Variants in ATP13A4 observed in about 807,000 individuals in gnomAD.
The protein encoded by ATP13A4 is ATPase 13A4, also known as probable cation-transporting ATPase 13A4.
In ATP13A4, 114 loss-of-function variants were observed where a neutral mutation model predicts 142.5. That is an observed-to-expected ratio of 0.80 (90% CI 0.69 to 0.93). ATP13A4 has a LOEUF of 0.93. Among genes scored for constraint, ATP13A4 ranks in the 40% least tolerant of loss-of-function variants. ATP13A4 has a pLI of 0.00. For synonymous variants in ATP13A4, 488 were observed against 514.8 expected, an observed-to-expected ratio of 0.95 and a Z score of 0.70; for missense variants, 1,392 against 1,454.0, an observed-to-expected ratio of 0.96 and a Z score of 0.69.
chr3:193,526,413 A>G (rs191521284), intron 1 of ATP13A4, among the ~76,000 whole-genome samples: 3 of 152,276 alleles, frequency 2.0e-5, no homozygotes, highest in Admixed American at 2.0e-4. Flanking sequence ...ACACATGCAC[A>G]CAGGGAGGGG....
intron 1 of ATP13A4, among the ~76,000 whole-genome samples, chr3:193,549,302 C>CAA (rs199972539): frequency 2.2e-5 from 3 of 138,210 alleles, no homozygotes; most frequent in Non-Finnish European, 4.7e-5. Context: ...TTCATCACAG[C>CAA]AAAAAAAAAA....
At chr3:193,507,712 T>C (rs921951436) in intron 2 of ATP13A4, among the ~76,000 whole-genome samples, 1 of 152,168 alleles carries the variant, frequency 6.6e-6, no homozygotes, top group Non-Finnish European at 1.5e-5. Flanking sequence ...GATTAGCGGG[T>C]CATCGTCTGA....
intron 1 of ATP13A4, among the ~76,000 whole-genome samples, chr3:193,537,798 A>G (rs1259190166): frequency 6.6e-6 from 1 of 152,188 alleles, no homozygotes; most frequent in African/African-American, 2.4e-5. Flanking sequence ...GATACACAAA[A>G]CAACCTGGGT....
intron 2 of ATP13A4, among the ~76,000 whole-genome samples, chr3:193,505,607 T>G (rs1302127050): frequency 1.3e-5 from 2 of 152,130 alleles, no homozygotes; most frequent in Non-Finnish European, 2.9e-5. Flanking sequence ...CATACATAAT[T>G]CTGTATGATA....
intron 25 of ATP13A4, among the ~76,000 whole-genome samples, chr3:193,418,078 C>G (rs555763579): frequency 2.8e-5 from 3 of 107,926 alleles, no homozygotes; most frequent in Non-Finnish European, 5.2e-5. Flanking sequence ...GCCGAGATCC[C>G]GCCACTGCAC....
rs1040016687 is a variant in ATP13A4 at position 193,403,968 on chromosome 3, A to T, written c.3379-1104T>A. The T allele has an allele frequency of 1.6e-5, 16 of 985,328 alleles. No homozygotes were observed. The East Asian group carries it at 3.4e-4, about 21-fold the overall frequency. 61.0% of individuals were successfully genotyped at this position (985,328 alleles called of 1,614,324 possible). On this transcript the variant is annotated intron_variant, in intron 29 of 29. Coordinates refer to ENST00000342695, the MANE Select transcript of ATP13A4 (RefSeq NM_032279.4). ...TACCCATTTTTGCCATTTAGGTTCC[A>T]CTGCCCATGAAAGGATAGAGAACAG...
intron 17 of ATP13A4, among the ~76,000 whole-genome samples, chr3:193,451,959 G>C (rs1213264515): frequency 6.6e-6 from 1 of 152,142 alleles, no homozygotes; most frequent in Non-Finnish European, 1.5e-5. Flanking sequence ...GAGAATTTGT[G>C]ATTTGTGTTT....
chr3:193,491,125 C>G (rs1719919251), intron 6 of ATP13A4, among the ~76,000 whole-genome samples: 1 of 152,132 alleles, frequency 6.6e-6, no homozygotes, highest in African/African-American at 2.4e-5. Flanking sequence ...GAGTTTCACA[C>G]CCTATATTGC....
At chr3:193,529,711 C>G (rs935728911) in intron 1 of ATP13A4, among the ~76,000 whole-genome samples, 7 of 152,122 alleles carry the variant, frequency 4.6e-5, no homozygotes, top group African/African-American at 1.7e-4. Context: ...GGAATAATTA[C>G]ATTTATCCCA....
At chr3:193,590,266 G>A (rs1018935022) in intron 1 of ATP13A4, among the ~76,000 whole-genome samples, 18 of 152,258 alleles carry the variant, frequency 1.2e-4, no homozygotes, top group South Asian at 2.1e-4. Context: ...CTGATTGGTT[G>A]GGGATGAAAT....
chr3:193,491,281 C>T (rs908716522), intron 6 of ATP13A4, 48 bp downstream of exon 6: 1 of 1,412,284 alleles, frequency 7.1e-7, no homozygotes, highest in East Asian at 2.3e-5. Flanking sequence ...TAGAGCCAAA[C>T]TTCCTTATTT....
intron 8 of ATP13A4, among the ~76,000 whole-genome samples, chr3:193,481,133 G>A (rs1719268309): frequency 6.6e-6 from 1 of 152,190 alleles, no homozygotes; most frequent in South Asian, 2.1e-4. Flanking sequence ...GGAAAGGGTG[G>A]AAGGGGAGTG....
intron 17 of ATP13A4, among the ~76,000 whole-genome samples, chr3:193,452,369 T>C (rs1223412511): frequency 6.6e-6 from 1 of 152,064 alleles, no homozygotes. Context: ...ACAACAAATA[T>C]ACAGAATTGT....
intron 26 of ATP13A4, among the ~76,000 whole-genome samples, chr3:193,413,996 G>A (rs1714915336): frequency 6.6e-6 from 1 of 152,102 alleles, no homozygotes; most frequent in South Asian, 2.1e-4. Context: ...TTGCAGCTCA[G>A]ATGGGCATCA....
intron 12 of ATP13A4, among the ~76,000 whole-genome samples, chr3:193,463,424 T>TAA (rs11336311): frequency 3.1e-4 from 30 of 95,976 alleles, no homozygotes; most frequent in South Asian, 2.5e-3. Flanking sequence ...TGCTATTTGG[T>TAA]AAAAAAAAAA....
intron 21 of ATP13A4, among the ~76,000 whole-genome samples, chr3:193,439,302 G>A (rs1030906358): frequency 7.9e-5 from 12 of 152,142 alleles, no homozygotes; most frequent in Non-Finnish European, 1.5e-4. Context: ...ACATCACTGC[G>A]TAGGGAGAGT....
At chr3:193,461,165 C>T (rs914297821) in intron 13 of ATP13A4, among the ~76,000 whole-genome samples, 1 of 152,074 alleles carries the variant, frequency 6.6e-6, no homozygotes, top group African/African-American at 2.4e-5. Flanking sequence ...ATTGTTATTC[C>T]TTAAATGTAA....
At chr3:193,496,386 G>A (rs1004111556) in intron 3 of ATP13A4, among the ~76,000 whole-genome samples, 9 of 152,138 alleles carry the variant, frequency 5.9e-5, no homozygotes, top group African/African-American at 1.9e-4. Flanking sequence ...ATAGACCAAT[G>A]GAACCACATA....
intron 1 of ATP13A4, among the ~76,000 whole-genome samples, chr3:193,539,831 T>C (rs1722788871): frequency 6.6e-6 from 1 of 152,230 alleles, no homozygotes; most frequent in African/African-American, 2.4e-5. Context: ...TTAACTATTA[T>C]TATTATTAGG....
Sources: gnomAD v4.1 joint callset for allele counts (sites outside exome capture counted in the v4.1 genomes callset) on GRCh38, gnomAD v4.1.1 for gene constraint, MANE v1.5 for transcripts, NCBI Gene and HGNC (gene_info 2026-07-23, HGNC 2026-07-21) for gene names.